RARB: variants seen among roughly 807,000 people sequenced by gnomAD.
RARB encodes the protein HBV-activated protein.
RARB carries 17 observed loss-of-function variants against 51.9 expected under a neutral mutation model. The ratio of observed to expected loss-of-function variants is 0.33; its 90% confidence interval spans 0.22 to 0.49. RARB has a LOEUF of 0.49. Ranked by LOEUF, RARB falls within the 20% of genes least tolerant of loss-of-function variation. RARB has a pLI of 0.99. For missense variants in RARB, 369 were observed against 550.8 expected (o/e 0.67, Z 3.30); for synonymous variants, 215 against 195.4 (o/e 1.10, Z -0.84).
intron 4 of RARB, among the ~76,000 whole-genome samples, chr3:25,151,251 A>G (rs1371828993): frequency 6.6e-6 from 1 of 152,264 alleles, no homozygotes; most frequent in Non-Finnish European, 1.5e-5. Context: ...GTATGAGGGT[A>G]GTGTCTTCAT....
intron 2 of RARB, among the ~76,000 whole-genome samples, chr3:25,031,687 G>A (rs1697880131): frequency 6.6e-6 from 1 of 152,146 alleles, no homozygotes; most frequent in African/African-American, 2.4e-5. Context: ...CCAGGGAAGG[G>A]AACTGTCTAT....
rs558362570 is a variant in RARB at position 24,922,905 on chromosome 3, C to T, written c.-380+64153C>T. Among the ~76,000 whole-genome samples the T allele has an allele frequency of 4.3e-4, 65 of 152,252 alleles. 1 individual carries two copies. Among genetic ancestry groups the T allele is most frequent in the Non-Finnish European group, 5.0e-4 (34 of 68,024 alleles). ...TCAACTTGGCTAGGGATAATAAAAT[C>T]TTGGGACAGCTAGAGAAGACTACAT... On this transcript the variant is annotated intron_variant, in intron 2 of 11. Transcript: ENST00000383772.
intron 2 of RARB, among the ~76,000 whole-genome samples, chr3:24,917,566 T>G (rs983177529): frequency 6.6e-5 from 10 of 152,240 alleles, no homozygotes; most frequent in African/African-American, 1.9e-4. Context: ...AGGCTTGCTC[T>G]GTCACCCAGA....
chr3:24,955,150 G>A (rs563198366), intron 2 of RARB, among the ~76,000 whole-genome samples: 2 of 152,272 alleles, frequency 1.3e-5, no homozygotes, highest in South Asian at 4.1e-4. Context: ...ATTTTATGAA[G>A]CAGCAGAAGT....
At chr3:25,067,688 C>A (rs568264219) in intron 3 of RARB, among the ~76,000 whole-genome samples, 10 of 152,268 alleles carry the variant, frequency 6.6e-5, no homozygotes, top group African/African-American at 2.4e-4. Flanking sequence ...CCTTTGCAAA[C>A]CCCCTTCTCC....
At chr3:25,434,588 C>T (rs535751347) in intron 1 of RARB, among the ~76,000 whole-genome samples, 2 of 142,094 alleles carry the variant, frequency 1.4e-5, no homozygotes, top group South Asian at 4.5e-4. Flanking sequence ...GTTGCCCAGG[C>T]TGGAGTGCAG....
At chr3:25,565,880 C>G (rs760171400) in intron 3 of RARB, among the ~76,000 whole-genome samples, 2 of 152,160 alleles carry the variant, frequency 1.3e-5, no homozygotes, top group African/African-American at 4.8e-5. Flanking sequence ...GGGGGAGGCT[C>G]TGAAAGGAGC....
At chr3:24,950,997 C>A (rs1695879523) in intron 2 of RARB, among the ~76,000 whole-genome samples, 1 of 152,088 alleles carries the variant, frequency 6.6e-6, no homozygotes, top group South Asian at 2.1e-4. Context: ...AGTTGCAGGA[C>A]TGGGAGAATT....
At chr3:24,965,259 A>G (rs1431778435) in intron 2 of RARB, among the ~76,000 whole-genome samples, 1 of 152,106 alleles carries the variant, frequency 6.6e-6, no homozygotes, top group Non-Finnish European at 1.5e-5. Context: ...CTAGGAGAGT[A>G]TAAAAATAAA....
At chr3:24,919,700 T>C (rs1463829022) in intron 2 of RARB, among the ~76,000 whole-genome samples, 1 of 152,224 alleles carries the variant, frequency 6.6e-6, no homozygotes, top group Non-Finnish European at 1.5e-5. Flanking sequence ...TTAGGTATCT[T>C]TTCTAAAAGG....
intron 1 of RARB, chr3:25,441,062 A>G: frequency 6.9e-6 from 1 of 144,784 alleles, no homozygotes; most frequent in South Asian, 2.4e-4. Context: ...CAGAACTACC[A>G]ATAACAGGAA....
At chr3:25,478,547 C>G (rs1003110428) in intron 2 of RARB, among the ~76,000 whole-genome samples, 1 of 152,226 alleles carries the variant, frequency 6.6e-6, no homozygotes, top group Non-Finnish European at 1.5e-5. Flanking sequence ...TCAGGGGACA[C>G]ACTCACTCAG....
intron 3 of RARB, among the ~76,000 whole-genome samples, chr3:25,130,894 A>ATATCAATATTATTGATAATAT (rs200719829): frequency 0.26 from 10,710 of 40,994 alleles, 576 homozygotes; most frequent in Non-Finnish European, 0.34. Context: ...ATTATTGATA[A>ATATCAATATTATTGATAATAT]TATCAATATT....
intron 7 of RARB, among the ~76,000 whole-genome samples, chr3:25,595,279 C>A (rs1232026375): frequency 1.3e-5 from 2 of 151,876 alleles, no homozygotes; most frequent in Non-Finnish European, 2.9e-5. Context: ...AGCAGCTATC[C>A]CTGGTACCAA....
intron 2 of RARB, among the ~76,000 whole-genome samples, chr3:24,916,459 T>C (rs1695107247): frequency 6.6e-6 from 1 of 152,134 alleles, no homozygotes; most frequent in Non-Finnish European, 1.5e-5. Context: ...GGTCCTGGTC[T>C]CCTCTGTTAG....
intron 2 of RARB, among the ~76,000 whole-genome samples, chr3:25,477,026 G>C (rs1695985553): frequency 6.6e-6 from 1 of 152,106 alleles, no homozygotes; most frequent in Non-Finnish European, 1.5e-5. Context: ...GAAGAGGTGG[G>C]AGAAAACACA....
chr3:24,835,651 T>A (rs753688690), intron 1 of RARB, among the ~76,000 whole-genome samples: 1 of 152,178 alleles, frequency 6.6e-6, no homozygotes, highest in Non-Finnish European at 1.5e-5. Flanking sequence ...GCAATTCAGA[T>A]CCTCTTAACT....
chr3:24,910,692 A>C (rs943820038), intron 2 of RARB, among the ~76,000 whole-genome samples: 2 of 151,890 alleles, frequency 1.3e-5, no homozygotes, highest in African/African-American at 4.8e-5. Flanking sequence ...TCAACCCTAT[A>C]TTTTTCAATG....
At chr3:24,877,553 C>T (rs916743770) in intron 2 of RARB, among the ~76,000 whole-genome samples, 1 of 151,876 alleles carries the variant, frequency 6.6e-6, no homozygotes, top group African/African-American at 2.4e-5. Flanking sequence ...GATGATGGTT[C>T]AACAAGACCA....
Sources: gnomAD v4.1 joint callset for allele counts (sites outside exome capture counted in the v4.1 genomes callset) on GRCh38, gnomAD v4.1.1 for gene constraint, MANE v1.5 for transcripts, NCBI Gene and HGNC (gene_info 2026-07-23, HGNC 2026-07-21) for gene names.